The following ERAP1 variants were observed in gnomAD, a reference collection of about 807,000 sequenced individuals.
ERAP1 encodes endoplasmic reticulum aminopeptidase 1, also known as adipocyte-derived leucine aminopeptidase.
A neutral mutation model predicts 103.7 loss-of-function variants in ERAP1; 86 were observed. The observed-to-expected ratio is 0.83, with a 90% CI of 0.70 to 0.99. The LOEUF is 0.99. Ranked by LOEUF, ERAP1 falls within the 50% of genes least tolerant of loss-of-function variation. The pLI, the probability that ERAP1 is intolerant of heterozygous loss-of-function variation, is 0.00. For synonymous variants in ERAP1, 398 were observed against 402.4 expected, an observed-to-expected ratio of 0.99 and a Z score of 0.13; for missense variants, 1,009 against 1,128.4, an observed-to-expected ratio of 0.89 and a Z score of 1.52.
the ERAP1 span, among the ~76,000 whole-genome samples, chr5:96,874,136 G>A: frequency 0.06 from 7,070 of 117,912 alleles, 229 homozygotes; most frequent in Non-Finnish European, 0.069. Context: ...GAAAGAGAGA[G>A]AGAAAGAAAG....
At chr5:96,784,847 C>T (rs2150923646) in intron 13 of ERAP1, 1 of 152,348 alleles carries the variant, frequency 6.6e-6, no homozygotes, top group Non-Finnish European at 1.5e-5. Context: ...TTAAAAACCT[C>T]AGTGGTAGGG....
At chr5:96,863,219 C>T in the ERAP1 span, among the ~76,000 whole-genome samples, 1 of 152,016 alleles carries the variant, frequency 6.6e-6, no homozygotes, top group African/African-American at 2.4e-5. Context: ...AGGCTTGTTC[C>T]CCAATCAGTC....
chr5:96,899,973 C>CT, the ERAP1 span: 4 of 958,624 alleles, frequency 4.2e-6, no homozygotes, highest in East Asian at 5.1e-5. Context: ...GCAAACATGC[C>CT]TTTTTTTCCA....
At chr5:96,848,220 GTTTTA>G in the ERAP1 span, among the ~76,000 whole-genome samples, 22 of 151,872 alleles carry the variant, frequency 1.4e-4, no homozygotes, top group Non-Finnish European at 2.8e-4. Context: ...GTCTAATTTT[GTTTTA>G]TTTTTAGTAG....
exon 20 of ERAP1, chr5:96,762,989 A>G: frequency 1.6e-6 from 1 of 623,476 alleles, no homozygotes; most frequent in South Asian, 1.8e-5. Context: ...TCACCTGTGC[A>G]ATACCAAATT....
At chr5:96,887,303 C>CTT in the ERAP1 span, among the ~76,000 whole-genome samples, 585 of 137,514 alleles carry the variant, frequency 4.3e-3, 5 homozygotes, top group African/African-American at 6.0e-3. Context: ...TTGTTTCCGA[C>CTT]TTTTTTTTTT....
At chr5:96,886,846 AC>A in the ERAP1 span, 2 of 1,327,646 alleles carry the variant, frequency 1.5e-6, no homozygotes, top group Non-Finnish European at 2.0e-6. Context: ...AGAGCAATGA[AC>A]TTTTGTTTTC....
At chr5:96,776,665 C>A in intron 18 of ERAP1, 114 bp from the exon 19 acceptor site, 1 of 1,447,940 alleles carries the variant, frequency 6.9e-7, no homozygotes. Context: ...ATATAGAAGG[C>A]AGTCCCAGCT....
At chr5:96,815,545 G>A in the ERAP1 span, among the ~76,000 whole-genome samples, 1 of 151,458 alleles carries the variant, frequency 6.6e-6, no homozygotes, top group African/African-American at 2.4e-5. Flanking sequence ...CTGAGTAGCT[G>A]GGATTACAGG....
the ERAP1 span, among the ~76,000 whole-genome samples, chr5:96,848,005 C>CA: frequency 0.11 from 16,418 of 148,846 alleles, 930 homozygotes; most frequent in Middle Eastern, 0.17. Context: ...ACTAGAAAAA[C>CA]AAAAAAAAAA....
the ERAP1 span, chr5:96,909,904 C>A: frequency 2.6e-6 from 2 of 776,086 alleles, no homozygotes; most frequent in African/African-American, 1.8e-5. Flanking sequence ...CTGTTTCATG[C>A]TCTCACATTG....
At chr5:96,903,469 G>A in the ERAP1 span, 5 of 1,613,852 alleles carry the variant, frequency 3.1e-6, no homozygotes, top group African/African-American at 5.3e-5. Flanking sequence ...TCATGGATGG[G>A]ACCAACTCAT....
At chr5:96,825,358 T>C in the ERAP1 span, among the ~76,000 whole-genome samples, 8 of 152,228 alleles carry the variant, frequency 5.3e-5, no homozygotes, top group Admixed American at 5.2e-4. Flanking sequence ...CTTTATATGA[T>C]ATATATTCTT....
chr5:96,808,368 GCAGGCGCTGACAAGTCCAC>G (rs1214181290), upstream of ERAP1, among the ~76,000 whole-genome samples: 1 of 151,796 alleles, frequency 6.6e-6, no homozygotes, highest in Non-Finnish European at 1.5e-5. Context: ...CCGAAGCCAG[GCAGGCGCTGACAAGTCCAC>G]CAAGCCTAGA....
At chr5:96,785,562 A>G in intron 13 of ERAP1, 1 of 547,762 alleles carries the variant, frequency 1.8e-6, no homozygotes, top group Non-Finnish European at 3.3e-6. Flanking sequence ...TGAATTATTA[A>G]TGAGAAAGAT....
the ERAP1 span, among the ~76,000 whole-genome samples, chr5:96,828,916 G>A: frequency 4.6e-5 from 7 of 151,972 alleles, no homozygotes; most frequent in Non-Finnish European, 7.4e-5. Flanking sequence ...GCACAATCTC[G>A]GCTCATTGCA....
chr5:96,814,837 A>T, the ERAP1 span, among the ~76,000 whole-genome samples: 1 of 152,224 alleles, frequency 6.6e-6, no homozygotes, highest in Non-Finnish European at 1.5e-5. Context: ...AGTTGAAGAG[A>T]CTTTTAACAG....
chr5:96,891,611 C>A, the ERAP1 span, among the ~76,000 whole-genome samples: 1 of 150,798 alleles, frequency 6.6e-6, no homozygotes, highest in Non-Finnish European at 1.5e-5. Flanking sequence ...CAAATTAGTG[C>A]ATTATACCTG....
At chr5:96,777,937 G>A (rs1774589470) in intron 18 of ERAP1, among the ~76,000 whole-genome samples, 1 of 152,146 alleles carries the variant, frequency 6.6e-6, no homozygotes, top group Non-Finnish European at 1.5e-5. Flanking sequence ...GCAATAAGTA[G>A]CACAATACAG....
Sources: gnomAD v4.1 joint callset for allele counts (sites outside exome capture counted in the v4.1 genomes callset) on GRCh38, gnomAD v4.1.1 for gene constraint, MANE v1.5 for transcripts, NCBI Gene and HGNC (gene_info 2026-07-23, HGNC 2026-07-21) for gene names.